Variants in CLEC2A observed in about 807,000 individuals in gnomAD.
CLEC2A encodes the protein keratinocyte-associated C-type lectin.
In CLEC2A, 19 loss-of-function variants were observed where a neutral mutation model predicts 18.6. The ratio of observed to expected loss-of-function variants is 1.02; its 90% CI spans 0.71 to 1.50. CLEC2A has a LOEUF of 1.50. Among genes scored for constraint, CLEC2A ranks in the 40% most tolerant of loss-of-function variants. The probability of loss-of-function intolerance (pLI) is 0.00; values close to 1 mark genes in which losing one functional copy is unlikely to be tolerated. For synonymous variants in CLEC2A, 74 were observed against 64.0 expected (o/e 1.16, Z -0.75); for missense variants, 190 against 207.9 (o/e 0.91, Z 0.53).
intron 4 of CLEC2A, among the ~76,000 whole-genome samples, chr12:9,901,268 A>C (rs568668427): frequency 6.6e-6 from 1 of 152,352 alleles, no homozygotes; most frequent in South Asian, 2.1e-4. Context: ...ATCTGTATTT[A>C]AGAGCACTTG....
intron 4 of CLEC2A, among the ~76,000 whole-genome samples, chr12:9,902,379 T>C (rs1458530058): frequency 6.6e-6 from 1 of 151,930 alleles, no homozygotes; most frequent in African/African-American, 2.4e-5. Flanking sequence ...ATTACAGGTG[T>C]GCACCATTGC....
chr12:9,920,258 C>A (rs1462158239), intron 3 of CLEC2A, among the ~76,000 whole-genome samples: 1 of 152,194 alleles, frequency 6.6e-6, no homozygotes, highest in Admixed American at 6.5e-5. Flanking sequence ...TCCCTCTTCG[C>A]TGGAGTTTCA....
rs559601983 is a variant in CLEC2A, at chr12:9,900,862, T to A, written c.411-1886A>T. Among the ~76,000 whole-genome samples the A allele has an allele frequency of 3.3e-5, 5 of 152,266 alleles. No individual in the cohort carries two copies. In the East Asian group the frequency reaches 9.7e-4, roughly 29 times the overall value. On this transcript the variant is annotated intron_variant, in intron 4 of 4. Transcript: ENST00000339766. Reference sequence around the variant, plus strand: ...CAAAGTGTTGGTAAAATAAACACTTTCTCCAATTGTGTCCTGTTGCAAAAG... The same window carrying A: ...CAAAGTGTTGGTAAAATAAACACTTACTCCAATTGTGTCCTGTTGCAAAAG...
At chr12:9,926,807 C>T (rs1863280542) in intron 1 of CLEC2A, among the ~76,000 whole-genome samples, 1 of 151,768 alleles carries the variant, frequency 6.6e-6, no homozygotes, top group Non-Finnish European at 1.5e-5. Context: ...TTCTTTAAGC[C>T]ATGGAGGAAA....
At chr12:9,899,724 C>G (rs1488555780) in intron 4 of CLEC2A, among the ~76,000 whole-genome samples, 2 of 152,292 alleles carry the variant, frequency 1.3e-5, no homozygotes, top group Non-Finnish European at 2.9e-5. Context: ...CTGTCAGTAG[C>G]CTTGGAGTTC....
downstream of CLEC2A, among the ~76,000 whole-genome samples, chr12:9,911,436 T>C (rs1862985565): frequency 6.6e-6 from 1 of 152,192 alleles, no homozygotes; most frequent in Admixed American, 6.5e-5. Flanking sequence ...ATTAGTTCCA[T>C]ATGTTGCCAG....
chr12:9,888,212 C>G, the CLEC2A span, among the ~76,000 whole-genome samples: 2 of 151,670 alleles, frequency 1.3e-5, no homozygotes, highest in East Asian at 3.9e-4. Flanking sequence ...AATTGCAGGC[C>G]GGGCATGGTG....
At chr12:9,916,507 A>C (rs1213788722) in intron 4 of CLEC2A, among the ~76,000 whole-genome samples, 193 bp downstream of exon 4, 1 of 152,224 alleles carries the variant, frequency 6.6e-6, no homozygotes, top group East Asian at 1.9e-4. Context: ...GTCATTTAAC[A>C]AGGTGAGAAG....
chr12:9,913,322 T>G lies in CLEC2A; in HGVS notation c.*244A>C. ...GGGGATGGAGCCATCCATCAGGAGG[T>G]GATTAGTTCATGAGGATGGAGCCAT... is the stretch of plus-strand genomic sequence containing the variant. On this transcript the variant is annotated 3_prime_UTR_variant, in exon 5 of 5. Coordinates refer to ENST00000455827, the MANE Select transcript of CLEC2A (RefSeq NM_001130711.2). The G allele has an allele frequency of 2.2e-6, 1 of 460,358 alleles. No homozygotes were observed. Among genetic ancestry groups the G allele is most frequent in the Non-Finnish European group, 3.5e-6 (1 of 286,640 alleles). The allele number at this position is 460,358 out of a possible 1,614,324, so 28.5% of individuals were successfully genotyped here.
At chr12:9,892,447 T>G in the CLEC2A span, among the ~76,000 whole-genome samples, 1 of 152,184 alleles carries the variant, frequency 6.6e-6, no homozygotes, top group Non-Finnish European at 1.5e-5. Flanking sequence ...CTGTCAAAAA[T>G]GTTATAATTT....
At chr12:9,898,857 A>G in exon 5 of CLEC2A, 1 of 704,668 alleles carries the variant, frequency 1.4e-6, no homozygotes, top group Admixed American at 2.0e-5. Context: ...TCCTGCTGAC[A>G]GGGGACATTG....
At chr12:9,928,495 G>GGAAA (rs1011973038) in intron 1 of CLEC2A, among the ~76,000 whole-genome samples, 8 of 150,894 alleles carry the variant, frequency 5.3e-5, no homozygotes, top group African/African-American at 1.5e-4. Context: ...GAAAGAAGAA[G>GGAAA]GAAAGAAAGA....
In CLEC2A at chr12:9,913,450, G is replaced by T; in HGVS notation, c.*116C>A. On this transcript the variant is annotated 3_prime_UTR_variant, in exon 5 of 5. Coordinates refer to ENST00000455827, the MANE Select transcript of CLEC2A (RefSeq NM_001130711.2). The stretch of plus-strand genomic sequence containing the variant: ...AGTTTCCATCTATAAACTAGAAAAT[G>T]GGCCCTCACCAGAGGTTCCGTATTC... The T allele has an allele frequency of 1.4e-6, 2 of 1,424,534 alleles. No individual in the cohort carries two copies. Among genetic ancestry groups the T allele is most frequent in the East Asian group, 5.2e-5 (2 of 38,666 alleles). 88.2% of individuals were successfully genotyped at this position (1,424,534 alleles called of 1,614,324 possible).
the CLEC2A span, among the ~76,000 whole-genome samples, chr12:9,888,260 G>A: frequency 6.6e-6 from 1 of 151,886 alleles, no homozygotes; most frequent in South Asian, 2.1e-4. Context: ...GGAAGCCGAG[G>A]CGGGCGGATC....
chr12:9,897,247 G>A (rs748833172), downstream of CLEC2A, among the ~76,000 whole-genome samples: 1 of 152,046 alleles, frequency 6.6e-6, no homozygotes, highest in Non-Finnish European at 1.5e-5. Flanking sequence ...TTCACCTTGC[G>A]TAAATGAAAC....
At position 9,928,536 on chromosome 12, in the gene CLEC2A, C is replaced by G. The variant is rs141541056; in HGVS notation, c.56-2193G>C. The stretch of plus-strand genomic sequence containing the variant: ...AGAAACCTCTGCCCATTTCAAGATA[C>G]AAGACACTGTTGTGAATATAAATAT... On this transcript the variant is annotated intron_variant, in intron 1 of 4. Coordinates refer to ENST00000455827, the MANE Select transcript of CLEC2A (RefSeq NM_001130711.2). 1.4e-3 allele frequency among the ~76,000 whole-genome samples: 211 copies of G among 152,076 alleles called. 1 individual carries two copies. The highest frequency in any genetic ancestry group is 4.0e-3 in the African/African-American group (167 of 41,488).
the CLEC2A span, among the ~76,000 whole-genome samples, chr12:9,878,043 T>C: frequency 1.3e-5 from 2 of 152,060 alleles, no homozygotes; most frequent in East Asian, 1.9e-4. Context: ...TCACTTGAGC[T>C]CAGGAGTTTG....
At position 9,913,651 on chromosome 12, in the gene CLEC2A, G is replaced by C. The variant is rs1192358004; in HGVS notation, c.440C>G (p.Ala147Gly). 1.9e-6 allele frequency: 3 copies of C among 1,548,784 alleles called. No homozygotes were observed. The African/African-American group carries it at 4.1e-5, about 21-fold the overall frequency. Residue 147 changes from alanine to glycine, a missense_variant, in exon 5 of 5, where the codon GCT becomes GGT. Physicochemically the swap from Ala to Gly is moderately conservative, Grantham distance 60. Transcript: ENST00000455827. ...WFEIIGNGSF[A>G]FLSADGVHSS... ...ATGGACTCCATCAGCACTCAAGAAA[G>C]CAAAGGATCCGTTCCCTATAATTTC...
intron 1 of CLEC2A, 21 bp downstream of exon 1, chr12:9,932,254 C>G: frequency 6.7e-7 from 1 of 1,499,744 alleles, no homozygotes; most frequent in Non-Finnish European, 9.1e-7. Context: ...ACTTCCTTCT[C>G]ATTCACTCTA....
Sources: allele counts gnomAD v4.1 joint callset (sites outside exome capture counted in the v4.1 genomes callset), GRCh38; gene constraint gnomAD v4.1.1; transcripts MANE v1.5; gene names NCBI Gene and HGNC (gene_info 2026-07-23, HGNC 2026-07-21).